The following HAO1 variants were observed in gnomAD, a reference collection of about 807,000 sequenced individuals.
HAO1 encodes the protein hydroxyacid oxidase 1, also known as 2-Hydroxyacid oxidase 1.
A neutral mutation model predicts 39.7 loss-of-function variants in HAO1; 34 were observed. The ratio of observed to expected loss-of-function variants is 0.86; its 90% CI spans 0.65 to 1.14. The LOEUF (loss-of-function observed/expected upper bound fraction) is 1.14. Ranked by LOEUF, HAO1 falls within the 50% of genes most tolerant of loss-of-function variation. The pLI is 0.00. For synonymous variants in HAO1, 172 were observed against 173.2 expected (o/e 0.99, Z 0.05); for missense variants, 479 against 464.5 (o/e 1.03, Z -0.29).
At chr20:7,910,948 CA>C (rs1352522434) in intron 3 of HAO1, among the ~76,000 whole-genome samples, 16 of 151,430 alleles carry the variant, frequency 1.1e-4, no homozygotes, top group Non-Finnish European at 1.8e-4. Flanking sequence ...TGTGGTTTCC[CA>C]ATATAGACAT....
chr20:7,935,649 A>C (rs1266418111), intron 1 of HAO1, among the ~76,000 whole-genome samples: 3 of 152,218 alleles, frequency 2.0e-5, no homozygotes, highest in Non-Finnish European at 4.4e-5. Flanking sequence ...TTGACTCCGG[A>C]AAATTATTTT....
intron 2 of HAO1, 73 bp from the exon 3 acceptor site, chr20:7,914,492 A>T (rs2050297293): frequency 1.3e-6 from 2 of 1,529,532 alleles, no homozygotes; most frequent in East Asian, 4.5e-5. Flanking sequence ...TTGTAGTTGG[A>T]TGAGTAAAGA....
chr20:7,918,189 T>C (rs2050315511), intron 2 of HAO1, among the ~76,000 whole-genome samples: 1 of 152,170 alleles, frequency 6.6e-6, no homozygotes, highest in African/African-American at 2.4e-5. Context: ...AACAGCAGGC[T>C]CCCTTCTCCC....
At chr20:7,940,143 A>T in intron 1 of HAO1, 143 bp downstream of exon 1, 1 of 563,806 alleles carries the variant, frequency 1.8e-6, no homozygotes, top group Non-Finnish European at 2.8e-6. Flanking sequence ...AAGATTTCTT[A>T]CAGCCCCAAG....
rs1337724624 is a variant in HAO1 at position 7,895,188 on chromosome 20, T to C, written c.758A>G (p.Asn253Ser). The C allele has an allele frequency of 1.2e-6, 2 of 1,612,736 alleles. No individual in the cohort carries two copies. The highest frequency in any genetic ancestry group is 1.7e-6 in the Non-Finnish European group (2 of 1,178,876). Residue 253 changes from asparagine (N) to serine (S), a missense_variant, in exon 5 of 8, where the codon AAT (asparagine) becomes AGT (serine). Transcript: ENST00000378789. ...DAREAVKHGL[N>S]GILVSNHGAR... Reference sequence around the variant, plus strand: ...CCCATGATTCGACACCAAGATCCCATTCAAGCCATGTTTAACAGCCTCCCT... The same window carrying C: ...CCCATGATTCGACACCAAGATCCCACTCAAGCCATGTTTAACAGCCTCCCT...
At chr20:7,885,889 G>T in intron 5 of HAO1, 25 bp from the exon 6 acceptor site, 1 of 1,597,632 alleles carries the variant, frequency 6.3e-7, no homozygotes, top group Non-Finnish European at 8.6e-7. Context: ...GTTCAATAAT[G>T]TGACTCTATT....
At chr20:7,926,858 TA>T (rs2050361401) in intron 2 of HAO1, among the ~76,000 whole-genome samples, 2 of 148,646 alleles carry the variant, frequency 1.3e-5, no homozygotes, top group South Asian at 4.7e-4. Flanking sequence ...GAATTTCTTT[TA>T]AAACTTTTTT....
chr20:7,901,001 A>T (rs531763094), intron 4 of HAO1, among the ~76,000 whole-genome samples: 22 of 152,304 alleles, frequency 1.4e-4, no homozygotes, highest in African/African-American at 5.3e-4. Context: ...TGGATAGATG[A>T]TCAAACCAGC....
intron 2 of HAO1, among the ~76,000 whole-genome samples, chr20:7,918,721 G>A (rs1568517085): frequency 6.6e-6 from 1 of 152,168 alleles, no homozygotes; most frequent in Non-Finnish European, 1.5e-5. Context: ...CTTTGCCTGA[G>A]AGACAATGAT....
chr20:7,936,083 T>C lies in HAO1; in HGVS notation c.138-1448A>G, dbSNP rs1443072572. On this transcript the variant is annotated intron_variant, in intron 1 of 7. Coordinates refer to ENST00000378789, the MANE Select transcript of HAO1 (RefSeq NM_017545.3). ...GCGGAAGAAGAAATTCTGCCTTCTA[T>C]TGCTTTGTGGAATAGCTAAGGGTCT... Among the ~76,000 whole-genome samples, 3 of 152,212 alleles carry C rather than the reference T, an allele frequency of 2.0e-5. No homozygotes were observed. The East Asian group carries it at 5.8e-4, about 29-fold the overall frequency.
chr20:7,893,612 G>A (rs571814529), intron 5 of HAO1, among the ~76,000 whole-genome samples: 1 of 152,182 alleles, frequency 6.6e-6, no homozygotes, highest in South Asian at 2.1e-4. Context: ...TGGTTCATCT[G>A]GTATTGTGGC....
At chr20:7,904,419 T>G (rs768320985) in intron 4 of HAO1, among the ~76,000 whole-genome samples, 1 of 152,272 alleles carries the variant, frequency 6.6e-6, no homozygotes, top group Non-Finnish European at 1.5e-5. Flanking sequence ...TCAGCCACTT[T>G]AAAGTCTAAA....
chr20:7,918,312 G>A (rs2050316110), intron 2 of HAO1, among the ~76,000 whole-genome samples: 2 of 152,182 alleles, frequency 1.3e-5, no homozygotes, highest in African/African-American at 4.8e-5. Flanking sequence ...TTTTATGTTA[G>A]AATGAGCTAA....
At chr20:7,922,663 A>G (rs1162976501) in intron 2 of HAO1, among the ~76,000 whole-genome samples, 1 of 152,096 alleles carries the variant, frequency 6.6e-6, no homozygotes, top group Non-Finnish European at 1.5e-5. Flanking sequence ...GCTTTTCCCT[A>G]TCCCCACCCT....
chr20:7,918,154 T>C (rs1181427847), intron 2 of HAO1, among the ~76,000 whole-genome samples: 1 of 152,230 alleles, frequency 6.6e-6, no homozygotes, highest in African/African-American at 2.4e-5. Flanking sequence ...GCTAAAATAC[T>C]AGTCCTAGGA....
chr20:7,897,191 T>A (rs2122758648), intron 4 of HAO1, among the ~76,000 whole-genome samples: 1 of 152,318 alleles, frequency 6.6e-6, no homozygotes, highest in South Asian at 2.1e-4. Context: ...TGACACCAGT[T>A]TGATTTGAAT....
intron 4 of HAO1, among the ~76,000 whole-genome samples, chr20:7,905,860 C>T (rs2050245302): frequency 2.6e-5 from 4 of 152,150 alleles, no homozygotes; most frequent in Admixed American, 2.6e-4. Flanking sequence ...TGACGTTCTA[C>T]CAAGATCTTG....
At chr20:7,906,376 A>C in intron 3 of HAO1, 47 bp from the exon 4 acceptor site, 1 of 1,086,606 alleles carries the variant, frequency 9.2e-7, no homozygotes, top group South Asian at 1.3e-5. Flanking sequence ...AATTAGAAAT[A>C]CGTTTCCAAT....
At chr20:7,931,863 A>G (rs2050387351) in intron 2 of HAO1, among the ~76,000 whole-genome samples, 1 of 152,194 alleles carries the variant, frequency 6.6e-6, no homozygotes, top group Non-Finnish European at 1.5e-5. Context: ...CGAGCTATGA[A>G]AAACTGTTTT....
Sources: gnomAD v4.1 joint callset for allele counts (sites outside exome capture counted in the v4.1 genomes callset) on GRCh38, gnomAD v4.1.1 for gene constraint, MANE v1.5 for transcripts, NCBI Gene and HGNC (gene_info 2026-07-23, HGNC 2026-07-21) for gene names.